Variants in OSBPL6 observed in about 807,000 individuals in gnomAD.
OSBPL6 encodes the protein oxysterol binding protein like 6.
Under a neutral mutation model 125.8 loss-of-function variants are expected in OSBPL6, and 49 were observed. The ratio of observed to expected loss-of-function variants is 0.39; its 90% CI spans 0.31 to 0.49. The LOEUF is 0.49. OSBPL6 is among the 20% of genes least tolerant of loss of function. OSBPL6 has a pLI of 0.88. For missense variants in OSBPL6, 986 were observed against 1,135.4 expected (o/e 0.87, Z 1.89); for synonymous variants, 394 against 391.8 (o/e 1.01, Z -0.07).
At position 178,294,994 on chromosome 2, in the gene OSBPL6, C is replaced by T. The variant is rs952630728; in HGVS notation, c.-156+9873C>T. ...TTGGACTACTTAGGGTTTTATCCTT[C>T]AGGTGGATCTTAGCAATTCTTTTTC... On this transcript the variant is annotated intron_variant, in intron 2 of 24. Coordinates refer to ENST00000190611, the MANE Select transcript of OSBPL6 (RefSeq NM_032523.4). 2.7e-4 allele frequency among the ~76,000 whole-genome samples: 41 copies of T among 151,212 alleles called. 2 individuals carry two copies.
intron 3 of OSBPL6, among the ~76,000 whole-genome samples, chr2:178,319,456 C>T (rs1473698535): frequency 1.3e-5 from 2 of 152,248 alleles, no homozygotes; most frequent in East Asian, 1.9e-4. Context: ...TTGACATTAG[C>T]TTTCATGTTA....
rs1336496340 is a variant in OSBPL6 at position 178,399,621 on chromosome 2, G to A, written c.*4062G>A. The A allele has an allele frequency of 1.3e-5, 2 of 152,208 alleles. No homozygotes were observed. Among genetic ancestry groups the A allele is most frequent in the Non-Finnish European group, 2.9e-5 (2 of 68,028 alleles). 9.4% of individuals were successfully genotyped at this position (152,208 alleles called of 1,614,324 possible). On this transcript the variant is annotated 3_prime_UTR_variant, in exon 25 of 25. Transcript: ENST00000190611. ...CAAATGAAGCTTCATGATTAAGGCA[G>A]CTTACAGATAAGTGGAAAAGAACTT...
chr2:178,246,412 A>G (rs904635565), intron 1 of OSBPL6, among the ~76,000 whole-genome samples: 1 of 152,040 alleles, frequency 6.6e-6, no homozygotes, highest in African/African-American at 2.4e-5. Flanking sequence ...TGTGACTTCC[A>G]GTGCCCTTCC....
intron 2 of OSBPL6, among the ~76,000 whole-genome samples, chr2:178,294,754 A>G (rs1331124408): frequency 6.6e-6 from 1 of 151,914 alleles, no homozygotes; most frequent in Non-Finnish European, 1.5e-5. Context: ...GATTTTTAAA[A>G]ATCAACAAAT....
At chr2:178,332,607 C>A (rs866791235) in intron 6 of OSBPL6, 34 bp from the exon 7 acceptor site, 4 of 1,446,634 alleles carry the variant, frequency 2.8e-6, no homozygotes, top group East Asian at 4.5e-5. Flanking sequence ...AATCATATAT[C>A]CTTTCAGCCT....
chr2:178,344,483 A>G (rs1690516608), intron 11 of OSBPL6: 5 of 877,250 alleles, frequency 5.7e-6, no homozygotes, highest in Non-Finnish European at 8.9e-6. Flanking sequence ...CAATCATGGC[A>G]GCATAGCTTT....
At chr2:178,317,397 G>A (rs1447513729) in intron 3 of OSBPL6, among the ~76,000 whole-genome samples, 6 of 136,558 alleles carry the variant, frequency 4.4e-5, no homozygotes, top group African/African-American at 1.4e-4. Context: ...TGATCTCACG[G>A]TAATTTAACT....
chr2:178,256,248 T>A (rs1184154177), intron 1 of OSBPL6, among the ~76,000 whole-genome samples: 1 of 152,184 alleles, frequency 6.6e-6, no homozygotes, highest in Non-Finnish European at 1.5e-5. Context: ...TGTTAGACTG[T>A]AAGGAGGAAT....
At chr2:178,394,794 T>C (rs1695704910) in intron 24 of OSBPL6, among the ~76,000 whole-genome samples, 1 of 152,106 alleles carries the variant, frequency 6.6e-6, no homozygotes, top group Non-Finnish European at 1.5e-5. Context: ...TAGGATTTCA[T>C]TTTATTTCTA....
At chr2:178,388,938 C>A in intron 20 of OSBPL6, 71 bp from the exon 21 acceptor site, 1 of 1,477,950 alleles carries the variant, frequency 6.8e-7, no homozygotes, top group South Asian at 1.3e-5. Context: ...AAAGAATATT[C>A]TCATTAGCAG....
intron 9 of OSBPL6, among the ~76,000 whole-genome samples, chr2:178,338,067 G>C (rs1689858468): frequency 6.6e-6 from 1 of 151,106 alleles, no homozygotes; most frequent in Non-Finnish European, 1.5e-5. Context: ...TCAGCCTTCT[G>C]AGTAGCTGGG....
intron 1 of OSBPL6, among the ~76,000 whole-genome samples, chr2:178,281,991 G>T (rs1684237763): frequency 6.6e-6 from 1 of 152,126 alleles, no homozygotes. Flanking sequence ...TTAAGGTCCG[G>T]TCCCTGCTTC....
intron 14 of OSBPL6, among the ~76,000 whole-genome samples, chr2:178,373,131 G>T (rs183987610): frequency 6.6e-6 from 1 of 152,098 alleles, no homozygotes; most frequent in African/African-American, 2.4e-5. Context: ...AGGACAACTT[G>T]TCTTTGACTT....
intron 2 of OSBPL6, among the ~76,000 whole-genome samples, chr2:178,303,170 A>G (rs1686450462): frequency 6.6e-6 from 1 of 152,202 alleles, no homozygotes; most frequent in Non-Finnish European, 1.5e-5. Flanking sequence ...TTTTGCCAAT[A>G]ATGAATGAAA....
At chr2:178,235,398 C>CT (rs540269327) in intron 1 of OSBPL6, among the ~76,000 whole-genome samples, 1,389 of 77,966 alleles carry the variant, frequency 0.018, 198 homozygotes, top group Admixed American at 0.055. Flanking sequence ...CTTTTCTTTT[C>CT]TTTTTTTTTT....
chr2:178,268,465 G>A (rs1410469541), intron 1 of OSBPL6, among the ~76,000 whole-genome samples: 2 of 152,092 alleles, frequency 1.3e-5, no homozygotes, highest in Non-Finnish European at 2.9e-5. Context: ...ATATCTATAT[G>A]GATACACAAA....
intron 1 of OSBPL6, among the ~76,000 whole-genome samples, chr2:178,234,176 CATA>C (rs1479806219): frequency 2.6e-5 from 4 of 152,118 alleles, no homozygotes. Flanking sequence ...TGGTACCTGT[CATA>C]ATAATACTTT....
chr2:178,388,633 C>T (rs1423764090), intron 20 of OSBPL6, among the ~76,000 whole-genome samples: 1 of 152,170 alleles, frequency 6.6e-6, no homozygotes, highest in Non-Finnish European at 1.5e-5. Context: ...AAGGTGTCTT[C>T]CTTGACACTC....
chr2:178,269,631 A>G (rs529733173), intron 1 of OSBPL6, among the ~76,000 whole-genome samples: 1 of 152,162 alleles, frequency 6.6e-6, no homozygotes, highest in South Asian at 2.1e-4. Flanking sequence ...AATTTTTCCC[A>G]GTGTTAGCAT....
Sources: gnomAD v4.1 joint callset for allele counts (sites outside exome capture counted in the v4.1 genomes callset) on GRCh38, gnomAD v4.1.1 for gene constraint, MANE v1.5 for transcripts, NCBI Gene and HGNC (gene_info 2026-07-23, HGNC 2026-07-21) for gene names.